PCLO: variants seen among roughly 807,000 people sequenced by gnomAD.
PCLO encodes the protein piccolo presynaptic cytomatrix protein.
PCLO carries 82 observed loss-of-function variants against 427.5 expected under a neutral mutation model. That is an observed-to-expected ratio of 0.19 (90% CI 0.16 to 0.23). PCLO has a LOEUF of 0.23. PCLO is among the 10% of genes least tolerant of loss of function. PCLO has a pLI of 1.00. For missense variants in PCLO, 6,239 were observed against 6,115.9 expected (o/e 1.02, Z -0.67); for synonymous variants, 2,357 against 2,155.4 (o/e 1.09, Z -2.59).
intron 16 of PCLO, among the ~76,000 whole-genome samples, chr7:82,831,270 T>G (rs1309065869): frequency 6.6e-6 from 1 of 152,128 alleles, no homozygotes; most frequent in Non-Finnish European, 1.5e-5. Flanking sequence ...CAAACATAGG[T>G]AATTTGATTT....
intron 10 of PCLO, among the ~76,000 whole-genome samples, chr7:82,874,040 C>T (rs913107479): frequency 1.1e-4 from 17 of 152,214 alleles, no homozygotes; most frequent in African/African-American, 3.9e-4. Flanking sequence ...AATATTGATG[C>T]TGTCTTAAAT....
intron 6 of PCLO, among the ~76,000 whole-genome samples, chr7:82,918,584 T>G (rs188516589): frequency 6.6e-6 from 1 of 152,202 alleles, no homozygotes; most frequent in African/African-American, 2.4e-5. Flanking sequence ...ATATGTCATG[T>G]TTTTTGAAAA....
At chr7:82,813,062 G>A (rs1791605845) in intron 20 of PCLO, among the ~76,000 whole-genome samples, 1 of 151,704 alleles carries the variant, frequency 6.6e-6, no homozygotes, top group Admixed American at 6.6e-5. Context: ...TAGATAACAA[G>A]AATGCTGTCC....
chr7:82,847,297 T>C, intron 10 of PCLO, 50 bp from the exon 11 acceptor site: 1 of 973,040 alleles, frequency 1.0e-6, no homozygotes. Context: ...ATCTCTAGTC[T>C]GGGTACATAT....
Position 82,826,633 on chromosome 7 carries a change from C to G in PCLO, c.14371G>C (p.Val4791Leu). ...GATGAAAATCTATCATAATCCCAAA[C>G]TGTCACCTCCAGTGTTTTCTTCTTG... Reference protein sequence around the residue: ...QLKKKTLEVTVWDYDRFSSND... With the variant: ...QLKKKTLEVTLWDYDRFSSND... The change falls in exon 18 of 25, where the codon GTT becomes CTT. Residue 4791 changes from valine to leucine, a missense_variant. Coordinates refer to ENST00000333891, the MANE Select transcript of PCLO (RefSeq NM_033026.6). 1 of 1,607,136 alleles carries G rather than the reference C, an allele frequency of 6.2e-7. No individual in the cohort carries two copies. Among genetic ancestry groups the G allele is most frequent in the African/African-American group, 1.3e-5 (1 of 74,826 alleles).
At chr7:82,797,662 A>G (rs1791254860) in intron 22 of PCLO, among the ~76,000 whole-genome samples, 1 of 152,146 alleles carries the variant, frequency 6.6e-6, no homozygotes, top group African/African-American at 2.4e-5. Flanking sequence ...TACAACACTT[A>G]TTTTTGCTTT....
chr7:83,029,117 TTAAAC>T (rs1788588225), intron 3 of PCLO, among the ~76,000 whole-genome samples: 1 of 151,142 alleles, frequency 6.6e-6, no homozygotes, highest in Admixed American at 6.6e-5. Context: ...TGGGATATAA[TTAAAC>T]TAAAGAGCTT....
chr7:82,809,912 T>C (rs1791533842), intron 20 of PCLO, among the ~76,000 whole-genome samples: 1 of 151,680 alleles, frequency 6.6e-6, no homozygotes, highest in Non-Finnish European at 1.5e-5. Context: ...TTGAAGGAAA[T>C]ATTTAATGAG....
intron 3 of PCLO, among the ~76,000 whole-genome samples, chr7:82,980,641 C>T (rs1415580171): frequency 1.3e-5 from 2 of 152,114 alleles, no homozygotes; most frequent in East Asian, 3.9e-4. Context: ...GAACTTCCTC[C>T]CTAGGCTACT....
chr7:82,901,269 T>C (rs1203478635), intron 9 of PCLO, among the ~76,000 whole-genome samples: 1 of 151,888 alleles, frequency 6.6e-6, no homozygotes, highest in Non-Finnish European at 1.5e-5. Context: ...CGATTTTTGA[T>C]ATAAAAAGTG....
chr7:82,964,082 T>A (rs1795712666), intron 4 of PCLO, among the ~76,000 whole-genome samples: 1 of 152,044 alleles, frequency 6.6e-6, no homozygotes, highest in Admixed American at 6.6e-5. Context: ...AGCTATAGAC[T>A]GGAGAAGGGA....
At chr7:83,021,078 C>A (rs1374030259) in intron 3 of PCLO, among the ~76,000 whole-genome samples, 1 of 152,174 alleles carries the variant, frequency 6.6e-6, no homozygotes, top group South Asian at 2.1e-4. Flanking sequence ...GACTGAATCA[C>A]CAAAGAGTGC....
intron 4 of PCLO, among the ~76,000 whole-genome samples, chr7:82,961,991 T>C (rs1037352955): frequency 6.6e-6 from 1 of 152,204 alleles, no homozygotes; most frequent in Admixed American, 6.5e-5. Flanking sequence ...ACTTTTCATA[T>C]TGTTACAAGC....
At chr7:82,841,024 C>A (rs1792353396) in intron 14 of PCLO, among the ~76,000 whole-genome samples, 1 of 151,204 alleles carries the variant, frequency 6.6e-6, no homozygotes, top group South Asian at 2.1e-4. Flanking sequence ...AGTTACAAAG[C>A]AGTTATGACT....
chr7:83,146,596 ACT>A (rs1491544940), intron 2 of PCLO, among the ~76,000 whole-genome samples: 11 of 116,764 alleles, frequency 9.4e-5, no homozygotes, highest in Non-Finnish European at 1.9e-4. Flanking sequence ...TCCAATAAAT[ACT>A]TTTTTTTTTT....
intron 6 of PCLO, among the ~76,000 whole-genome samples, chr7:82,920,031 A>G (rs986583089): frequency 2.6e-5 from 4 of 151,948 alleles, no homozygotes; most frequent in Non-Finnish European, 4.4e-5. Context: ...GAAATACAAT[A>G]AAGAATTTGA....
At chr7:82,783,262 C>T (rs1431257940) in intron 22 of PCLO, among the ~76,000 whole-genome samples, 1 of 152,212 alleles carries the variant, frequency 6.6e-6, no homozygotes, top group Non-Finnish European at 1.5e-5. Context: ...AGTTTTCCAT[C>T]TCTTACCAGT....
At chr7:82,880,803 G>C (rs890706379) in intron 9 of PCLO, among the ~76,000 whole-genome samples, 2 of 152,070 alleles carry the variant, frequency 1.3e-5, no homozygotes, top group Non-Finnish European at 2.9e-5. Context: ...TGACTATTGG[G>C]CAATCTTGAA....
intron 5 of PCLO, 123 bp from the exon 6 acceptor site, chr7:82,951,613 A>G: frequency 1.2e-6 from 1 of 846,068 alleles, no homozygotes; most frequent in South Asian, 1.8e-5. Flanking sequence ...AGGGTAACCT[A>G]ATTATATGCG....
Sources: gnomAD v4.1 joint callset for allele counts (sites outside exome capture counted in the v4.1 genomes callset) on GRCh38, gnomAD v4.1.1 for gene constraint, MANE v1.5 for transcripts, NCBI Gene and HGNC (gene_info 2026-07-23, HGNC 2026-07-21) for gene names.